CTNNBIP1: variants seen among roughly 807,000 people sequenced by gnomAD.
CTNNBIP1 encodes the protein catenin beta interacting protein 1.
CTNNBIP1 carries 7 observed loss-of-function variants against 11.8 expected under a neutral mutation model. That is an observed-to-expected ratio of 0.60 (90% CI 0.34 to 1.12). The LOEUF (loss-of-function observed/expected upper bound fraction) is 1.12, where lower values mean the gene tolerates loss of function less well. CTNNBIP1 is among the 50% of genes most tolerant of loss of function. The probability of loss-of-function intolerance (pLI) is 0.03; values close to 1 mark genes in which losing one functional copy is unlikely to be tolerated. For missense variants in CTNNBIP1, 101 were observed against 113.4 expected (o/e 0.89, Z 0.50); for synonymous variants, 58 against 43.9 (o/e 1.32, Z -1.26).
At chr1:9,879,827 T>G (rs888623388) in intron 2 of CTNNBIP1, among the ~76,000 whole-genome samples, 1 of 152,204 alleles carries the variant, frequency 6.6e-6, no homozygotes, top group African/African-American at 2.4e-5. Context: ...AGGGGAACAC[T>G]GTATTCCTGA....
intron 1 of CTNNBIP1, among the ~76,000 whole-genome samples, chr1:9,885,787 T>C (rs1047309557): frequency 1.4e-4 from 22 of 151,838 alleles, no homozygotes; most frequent in African/African-American, 5.1e-4. Flanking sequence ...CTACTAAAAA[T>C]ACAAAATTAG....
At chr1:9,897,373 G>A (rs1305032134) in intron 1 of CTNNBIP1, among the ~76,000 whole-genome samples, 1 of 152,192 alleles carries the variant, frequency 6.6e-6, no homozygotes, top group Non-Finnish European at 1.5e-5. Context: ...ACAATGGCAT[G>A]AGCCCAGGAG....
intron 1 of CTNNBIP1, among the ~76,000 whole-genome samples, chr1:9,908,201 G>A (rs1364369712): frequency 6.6e-6 from 1 of 151,664 alleles, no homozygotes; most frequent in South Asian, 2.1e-4. Flanking sequence ...TGGGACTACA[G>A]GCATGCACCA....
intron 1 of CTNNBIP1, among the ~76,000 whole-genome samples, chr1:9,905,293 G>A (rs1349578066): frequency 6.6e-6 from 1 of 152,082 alleles, no homozygotes; most frequent in African/African-American, 2.4e-5. Flanking sequence ...TGTCCACAAA[G>A]CTGTCCCCCT....
At chr1:9,874,392 C>T (rs1380623789) in intron 3 of CTNNBIP1, among the ~76,000 whole-genome samples, 1 of 152,156 alleles carries the variant, frequency 6.6e-6, no homozygotes, top group Non-Finnish European at 1.5e-5. Context: ...CTAGCTGGGA[C>T]CACAGAAGCA....
intron 5 of CTNNBIP1, among the ~76,000 whole-genome samples, chr1:9,859,331 TTGAC>T (rs1638575026): frequency 1.3e-5 from 2 of 152,082 alleles, no homozygotes; most frequent in African/African-American, 4.8e-5. Flanking sequence ...GTCCAGTCAA[TTGAC>T]TGGGGAGAAA....
chr1:9,881,121 G>T (rs934867426), intron 2 of CTNNBIP1, among the ~76,000 whole-genome samples: 1 of 151,846 alleles, frequency 6.6e-6, no homozygotes, highest in African/African-American at 2.4e-5. Context: ...CTGCAGCCTT[G>T]AACTCCCTAG....
At chr1:9,886,131 G>A (rs941645887) in intron 1 of CTNNBIP1, among the ~76,000 whole-genome samples, 1 of 151,310 alleles carries the variant, frequency 6.6e-6, no homozygotes, top group Admixed American at 6.6e-5. Flanking sequence ...TCAGCTTCTC[G>A]CCTCTTCTCT....
intron 1 of CTNNBIP1, among the ~76,000 whole-genome samples, chr1:9,885,625 C>G (rs1396870577): frequency 6.7e-6 from 1 of 148,416 alleles, no homozygotes; most frequent in East Asian, 2.0e-4. Flanking sequence ...GCCTAGGTGA[C>G]AGGGCAAGAC....
chr1:9,861,881 C>T (rs1638635721), intron 5 of CTNNBIP1, among the ~76,000 whole-genome samples: 6 of 152,218 alleles, frequency 3.9e-5, no homozygotes, highest in East Asian at 1.9e-4. Flanking sequence ...ATCTGTACAA[C>T]GTGATGAATC....
Position 9,872,654 on chromosome 1 carries a change from T to A in CTNNBIP1, c.-24-566A>T, listed in dbSNP as rs995794032. On this transcript the variant is annotated intron_variant, in intron 3 of 5. Coordinates refer to ENST00000377263, the MANE Select transcript of CTNNBIP1 (RefSeq NM_020248.3). The surrounding 1 kb of genome is among the most constrained non-coding windows in gnomAD (Gnocchi z 4.0). ...GGCTCCTGGGCTGGGCTCCAAGGGGTCCCTTGATGGAAAGACGCTGGCCCA... is the reference window on the plus strand; with the variant it reads ...GGCTCCTGGGCTGGGCTCCAAGGGGACCCTTGATGGAAAGACGCTGGCCCA... Among the ~76,000 whole-genome samples, 10 of 151,740 alleles carry A rather than the reference T, an allele frequency of 6.6e-5. No homozygotes were observed. In the East Asian group the frequency reaches 1.9e-3, roughly 30 times the overall value.
At position 9,872,107 on chromosome 1, in the gene CTNNBIP1, C is replaced by A; in HGVS notation, c.-24-19G>T. The A allele has an allele frequency of 7.0e-7, 1 of 1,432,702 alleles. No individual in the cohort carries two copies. Among genetic ancestry groups the A allele is most frequent in the Non-Finnish European group, 9.9e-7 (1 of 1,014,992 alleles). The allele number at this position is 1,432,702 out of a possible 1,614,324, so 88.7% of individuals were successfully genotyped here. The stretch of plus-strand genomic sequence containing the variant: ...GGGACTCCTGCAGAGCAAGCAACAG[C>A]ATCAAAAGGGAAGAGATCAGGATGT... On this transcript the variant is annotated intron_variant, in intron 3 of 5. Transcript: ENST00000377263. The surrounding 1 kb of genome is among the most constrained non-coding windows in gnomAD (Gnocchi z 4.0).
rs896715059 is a variant in CTNNBIP1, at chr1:9,850,588, G to GGGGCA, written c.*125_*129dup. On this transcript the variant is annotated 3_prime_UTR_variant, in exon 6 of 6. Transcript: ENST00000377263. ...CCACTGAGTAGCTGTGAGGTGGGGT[G>GGGGCA]GGGCAGGGCAGGGTTGGGTAGGGGA... 6.6e-6 allele frequency: 5 copies of GGGGCA among 758,660 alleles called. No individual in the cohort carries two copies. The highest frequency in any genetic ancestry group is 5.1e-5 in the African/African-American group (3 of 59,080). The allele number at this position is 758,660 out of a possible 1,614,324, so 47.0% of individuals were successfully genotyped here. A position where few individuals can be genotyped will look rare whatever the true frequency, so the allele number is the denominator to read the frequency against.
At chr1:9,859,875 C>T (rs1446382502) in intron 5 of CTNNBIP1, among the ~76,000 whole-genome samples, 1 of 152,200 alleles carries the variant, frequency 6.6e-6, no homozygotes, top group South Asian at 2.1e-4. Flanking sequence ...CAGACAAAGG[C>T]CTGTGACCCT....
At chr1:9,889,157 A>G (rs1639245343) in intron 1 of CTNNBIP1, among the ~76,000 whole-genome samples, 2 of 152,342 alleles carry the variant, frequency 1.3e-5, no homozygotes, top group South Asian at 2.1e-4. Flanking sequence ...CAGCTTCCCC[A>G]GGACCTGCAC....
At chr1:9,874,088 C>T (rs1301636302) in intron 3 of CTNNBIP1, among the ~76,000 whole-genome samples, 1 of 152,092 alleles carries the variant, frequency 6.6e-6, no homozygotes, top group Non-Finnish European at 1.5e-5. Flanking sequence ...CCGCTGTCAG[C>T]CCTGCCTCCC....
chr1:9,889,805 C>CA (rs925272810), intron 1 of CTNNBIP1, among the ~76,000 whole-genome samples: 1 of 152,218 alleles, frequency 6.6e-6, no homozygotes, highest in Non-Finnish European at 1.5e-5. Flanking sequence ...ATGTAATCCT[C>CA]ACGTAACTCA....
intron 5 of CTNNBIP1, among the ~76,000 whole-genome samples, chr1:9,854,625 A>G (rs1422100721): frequency 6.6e-6 from 1 of 152,110 alleles, no homozygotes; most frequent in Non-Finnish European, 1.5e-5. Flanking sequence ...AACTATCCCT[A>G]TTTGTAGATG....
chr1:9,879,263 C>T (rs1187891728), intron 2 of CTNNBIP1, among the ~76,000 whole-genome samples: 5 of 152,078 alleles, frequency 3.3e-5, no homozygotes, highest in Admixed American at 1.3e-4. Flanking sequence ...CAGGGCTCTC[C>T]GCTGTCAGCC....
Sources: gnomAD v4.1 joint callset for allele counts (sites outside exome capture counted in the v4.1 genomes callset) on GRCh38, gnomAD v4.1.1 for gene constraint, Gnocchi (gnomAD v3.1) non-coding constraint, MANE v1.5 for transcripts, NCBI Gene and HGNC (gene_info 2026-07-23, HGNC 2026-07-21) for gene names.